Variants in BAZ2B observed in about 807,000 individuals in gnomAD.
The protein encoded by BAZ2B is bromodomain adjacent to zinc finger domain 2B, also known as bromodomain adjacent to zinc finger domain protein 2B.
In BAZ2B, 91 loss-of-function variants were observed where a neutral mutation model predicts 246.0. The ratio of observed to expected loss-of-function variants is 0.37; its 90% confidence interval spans 0.31 to 0.44. The LOEUF is 0.44. Ranked by LOEUF, BAZ2B falls within the 20% of genes least tolerant of loss-of-function variation. BAZ2B has a pLI of 1.00. For synonymous variants in BAZ2B, 855 were observed against 860.0 expected (o/e 0.99, Z 0.10); for missense variants, 2,332 against 2,533.7 (o/e 0.92, Z 1.71).
chr2:159,372,105 G>C (rs1417350523), intron 27 of BAZ2B, among the ~76,000 whole-genome samples: 3 of 152,166 alleles, frequency 2.0e-5, no homozygotes, highest in African/African-American at 4.8e-5. Flanking sequence ...TTCTATTAGA[G>C]TCATCTATAT....
At chr2:159,374,092 T>C (rs1405147473) in intron 26 of BAZ2B, among the ~76,000 whole-genome samples, 1 of 126,224 alleles carries the variant, frequency 7.9e-6, no homozygotes, top group Non-Finnish European at 1.7e-5. Context: ...TTTTTTTTTT[T>C]AGAGACAGGG....
intron 2 of BAZ2B, among the ~76,000 whole-genome samples, chr2:159,529,383 C>T (rs753805071): frequency 6.6e-5 from 10 of 151,764 alleles, no homozygotes; most frequent in Non-Finnish European, 1.5e-4. Context: ...GTAACTCTCT[C>T]TCATTGCTCA....
chr2:159,703,419 T>C, the BAZ2B span, among the ~76,000 whole-genome samples: 1 of 152,122 alleles, frequency 6.6e-6, no homozygotes, highest in Admixed American at 6.5e-5. Context: ...AGTAACTATT[T>C]GTGATAAACA....
intron 2 of BAZ2B, among the ~76,000 whole-genome samples, chr2:159,490,151 G>A (rs1415539139): frequency 6.6e-6 from 1 of 152,020 alleles, no homozygotes; most frequent in East Asian, 1.9e-4. Flanking sequence ...GCAAAATCAT[G>A]CTTTAATTCT....
chr2:159,327,591 T>G (rs1272692252), intron 34 of BAZ2B, among the ~76,000 whole-genome samples: 2 of 152,162 alleles, frequency 1.3e-5, no homozygotes, highest in African/African-American at 4.8e-5. Flanking sequence ...CTAAAATCAT[T>G]AAAAAGGAGA....
chr2:159,392,827 A>C (rs1026741395), intron 20 of BAZ2B, among the ~76,000 whole-genome samples: 8 of 152,198 alleles, frequency 5.3e-5, no homozygotes, highest in African/African-American at 1.9e-4. Context: ...TATTAAACGA[A>C]TTCAATAGGC....
At chr2:159,553,164 G>A (rs1393874707) in intron 2 of BAZ2B, among the ~76,000 whole-genome samples, 3 of 151,936 alleles carry the variant, frequency 2.0e-5, no homozygotes, top group African/African-American at 7.3e-5. Flanking sequence ...AGAGGCCAAG[G>A]CGGGTAGATC....
chr2:159,485,505 C>G (rs1224295808), intron 2 of BAZ2B, among the ~76,000 whole-genome samples: 1 of 152,012 alleles, frequency 6.6e-6, no homozygotes, highest in Non-Finnish European at 1.5e-5. Flanking sequence ...CATTTTACCA[C>G]TATAAACAAA....
chr2:159,359,752 C>A (rs1445389364), intron 27 of BAZ2B, among the ~76,000 whole-genome samples: 1 of 152,194 alleles, frequency 6.6e-6, no homozygotes, highest in African/African-American at 2.4e-5. Flanking sequence ...AAAAGCTTAT[C>A]TGCCCTGATC....
At chr2:159,386,202 T>C (rs3771708) in intron 22 of BAZ2B, 151 bp downstream of exon 22, 2 of 897,358 alleles carry the variant, frequency 2.2e-6, no homozygotes, top group East Asian at 5.4e-5. Context: ...TTGTATGAAG[T>C]GTAACCTGAC....
intron 13 of BAZ2B, among the ~76,000 whole-genome samples, chr2:159,422,134 G>C (rs564436451): frequency 6.6e-6 from 1 of 152,294 alleles, no homozygotes; most frequent in East Asian, 1.9e-4. Flanking sequence ...CTCATGGATA[G>C]GAAGAATCAA....
At chr2:159,676,935 T>C in the BAZ2B span, among the ~76,000 whole-genome samples, 1 of 22,238 alleles carries the variant, frequency 4.5e-5, no homozygotes. Context: ...TTTTTAAAAG[T>C]GGTTAAAATA....
intron 34 of BAZ2B, among the ~76,000 whole-genome samples, chr2:159,326,206 G>A (rs988949636): frequency 2.0e-5 from 3 of 152,106 alleles, no homozygotes; most frequent in African/African-American, 7.2e-5. Context: ...TATTCTTTCA[G>A]TCTAGGTCAC....
chr2:159,689,932 A>G, the BAZ2B span: 3 of 372,632 alleles, frequency 8.1e-6, no homozygotes, highest in South Asian at 3.4e-5. Flanking sequence ...GCAAGTAACT[A>G]TCAGTAGTCT....
At chr2:159,459,339 T>A (rs188278978) in intron 3 of BAZ2B, 1 of 152,348 alleles carries the variant, frequency 6.6e-6, no homozygotes, top group East Asian at 1.9e-4. Context: ...CAATTCTTTG[T>A]TTCACTCTTC....
At chr2:159,339,276 C>T (rs1278925628) in intron 31 of BAZ2B, among the ~76,000 whole-genome samples, 1 of 152,102 alleles carries the variant, frequency 6.6e-6, no homozygotes, top group Non-Finnish European at 1.5e-5. Flanking sequence ...CGATCACCAG[C>T]AACATCCCAA....
In BAZ2B at chr2:159,489,268, G is replaced by C. The variant is rs1036688163; in HGVS notation, c.-2-10547C>G. On this transcript the variant is annotated intron_variant, in intron 2 of 36. Coordinates refer to ENST00000392783, the MANE Select transcript of BAZ2B (RefSeq NM_013450.4). ...ACTTTAGAACTGACAACAGTAATCT[G>C]AATAAAAAACTCACGAATGGACTCA... is the stretch of plus-strand genomic sequence containing the variant. Among the ~76,000 whole-genome samples, 4 of 151,604 alleles carry C rather than the reference G, an allele frequency of 2.6e-5. No homozygotes were observed. The East Asian group carries it at 7.7e-4, about 29-fold the overall frequency.
At chr2:159,645,692 C>T in the BAZ2B span, among the ~76,000 whole-genome samples, 6 of 151,872 alleles carry the variant, frequency 4.0e-5, no homozygotes, top group African/African-American at 1.5e-4. Flanking sequence ...CTCTAAGCAT[C>T]AGCCAGGTTG....
the BAZ2B span, among the ~76,000 whole-genome samples, chr2:159,663,897 C>CT: frequency 1.8e-3 from 165 of 90,364 alleles, no homozygotes; most frequent in Non-Finnish European, 2.9e-3. Context: ...TAATTATACT[C>CT]TAAGTTTTAG....
Sources: allele counts gnomAD v4.1 joint callset (sites outside exome capture counted in the v4.1 genomes callset), GRCh38; gene constraint gnomAD v4.1.1; transcripts MANE v1.5; gene names NCBI Gene and HGNC (gene_info 2026-07-23, HGNC 2026-07-21).